Variants in EIF2AK2 observed in about 807,000 individuals in gnomAD.
EIF2AK2 encodes interferon-induced, double-stranded RNA-activated protein kinase.
A neutral mutation model predicts 70.5 loss-of-function variants in EIF2AK2; 40 were observed. The observed-to-expected ratio is 0.57, with a 90% CI of 0.44 to 0.74. The LOEUF is 0.74. Ranked by LOEUF, EIF2AK2 falls within the 30% of genes least tolerant of loss-of-function variation. EIF2AK2 has a pLI of 0.00. For synonymous variants in EIF2AK2, 198 were observed against 220.9 expected (o/e 0.90, Z 0.92); for missense variants, 555 against 644.3 (o/e 0.86, Z 1.50).
At chr2:37,129,526 C>A (rs968490460) in intron 10 of EIF2AK2, among the ~76,000 whole-genome samples, 1 of 152,106 alleles carries the variant, frequency 6.6e-6, no homozygotes, top group Admixed American at 6.6e-5. Context: ...CCTTCGCCCC[C>A]ACATCTAGTG....
Position 37,138,548 on chromosome 2 carries a change from G to A in EIF2AK2, c.554C>T (p.Thr185Met), listed in dbSNP as rs530669269. Residue 185 changes from threonine (T) to methionine (M), a missense_variant, in exon 7 of 17, where the codon ACG becomes ATG. By Grantham distance (81) the Thr-to-Met change is moderately conservative. Transcript: ENST00000233057. ...DYLSSGSFAT[T>M]CESQSNSLVT... ...TAAAGAGTTGCTTTGGGACTCACAC[G>A]TAGTAGCAAAAGAACCAGAGGACAG... is the stretch of plus-strand genomic sequence containing the variant. The A allele has an allele frequency of 3.6e-5, 58 of 1,614,086 alleles. No individual in the cohort carries two copies. The highest frequency in any genetic ancestry group is 3.5e-4 in the South Asian group (32 of 91,086).
chr2:37,150,560 G>T (rs1449067659), intron 1 of EIF2AK2, among the ~76,000 whole-genome samples: 1 of 151,916 alleles, frequency 6.6e-6, no homozygotes, highest in Non-Finnish European at 1.5e-5. Context: ...CATTTTTATG[G>T]TCCCACAGTA....
At chr2:37,112,649 TAAAG>T (rs1324642877) in intron 14 of EIF2AK2, among the ~76,000 whole-genome samples, 3 of 152,200 alleles carry the variant, frequency 2.0e-5, no homozygotes, top group African/African-American at 7.2e-5. Flanking sequence ...AGCATAATAT[TAAAG>T]AGAGAAATAT....
At chr2:37,135,622 CT>C in intron 9 of EIF2AK2, 76 bp from the exon 10 acceptor site, 1 of 1,347,114 alleles carries the variant, frequency 7.4e-7, no homozygotes, top group Non-Finnish European at 1.0e-6. Context: ...TAATGTTAAC[CT>C]TTTTCTTTCT....
chr2:37,100,853 T>G lies in EIF2AK2; in HGVS notation c.*6420A>C, dbSNP rs917527739. Reference sequence around the variant, plus strand: ...GATAGATGTACAGTCGCCCCACTACTGGCTTAAATTCTAAATTACTGAAAA... The same window carrying G: ...GATAGATGTACAGTCGCCCCACTACGGGCTTAAATTCTAAATTACTGAAAA... On this transcript the variant is annotated 3_prime_UTR_variant, in exon 17 of 17. Coordinates refer to ENST00000233057, the MANE Select transcript of EIF2AK2 (RefSeq NM_001135651.3). 1 of 152,202 alleles carries G rather than the reference T, an allele frequency of 6.6e-6. No individual in the cohort carries two copies. Among genetic ancestry groups the G allele is most frequent in the Non-Finnish European group, 1.5e-5 (1 of 68,034 alleles). The allele number at this position is 152,202 out of a possible 1,614,324, so 9.4% of individuals were successfully genotyped here.
At chr2:37,112,464 A>C (rs147475657) in intron 14 of EIF2AK2, among the ~76,000 whole-genome samples, 1 of 152,356 alleles carries the variant, frequency 6.6e-6, no homozygotes, top group African/African-American at 2.4e-5. Context: ...CTCAAATTTG[A>C]TGCAATTGCT....
At position 37,102,859 on chromosome 2, in the gene EIF2AK2, T is replaced by C. The variant is rs1437965817; in HGVS notation, c.*4414A>G. ...GTATATACATTGAATATATTTAACA[T>C]AAGTGTTAAGTATGCATGTGAATTT... On this transcript the variant is annotated 3_prime_UTR_variant, in exon 17 of 17. Transcript: ENST00000233057. 1 of 152,180 alleles carries C rather than the reference T, an allele frequency of 6.6e-6. No individual in the cohort carries two copies. The highest frequency in any genetic ancestry group is 1.5e-5 in the Non-Finnish European group (1 of 68,024). 9.4% of individuals were successfully genotyped at this position (152,180 alleles called of 1,614,324 possible).
Position 37,123,283 on chromosome 2 carries a change from T to C in EIF2AK2, c.909-619A>G, listed in dbSNP as rs552646967. Among the ~76,000 whole-genome samples the C allele has an allele frequency of 6.6e-5, 10 of 152,284 alleles. No homozygotes were observed. The East Asian group carries it at 1.5e-3, about 24-fold the overall frequency. On this transcript the variant is annotated intron_variant, in intron 11 of 16. Transcript: ENST00000233057. Reference sequence around the variant, plus strand: ...CATTTTAATTAATTTATTTATTTTATTGAGACAGAGTCTTGCTCTGTCACC... The same window carrying C: ...CATTTTAATTAATTTATTTATTTTACTGAGACAGAGTCTTGCTCTGTCACC...
At chr2:37,114,668 A>T in intron 14 of EIF2AK2, 63 bp downstream of exon 14, 6 of 1,406,002 alleles carry the variant, frequency 4.3e-6, no homozygotes, top group Non-Finnish European at 5.6e-6. Flanking sequence ...AGTAGTGTCT[A>T]CTCTTTTTAT....
chr2:37,126,545 G>T, intron 10 of EIF2AK2, 134 bp from the exon 11 acceptor site: 1 of 1,341,472 alleles, frequency 7.5e-7, no homozygotes, highest in South Asian at 1.6e-5. Context: ...TTCTGAATAA[G>T]AAAGATCCAC....
At chr2:37,149,338 C>A in intron 1 of EIF2AK2, 11 of 756,910 alleles carry the variant, frequency 1.5e-5, no homozygotes, top group Non-Finnish European at 2.2e-5. Flanking sequence ...CTTTAAAGGT[C>A]TTTATTTCTA....
Position 37,141,706 on chromosome 2 carries a change from A to G in EIF2AK2, c.241-5T>C, listed in dbSNP as rs368281376. On this transcript the variant is annotated splice_polypyrimidine_tract_variant and splice_region_variant and intron_variant, in intron 4 of 16. Transcript: ENST00000233057. ...CAATAATAAAGGACTAACTGCCTAC[A>G]AAGAAAAAAAATTCCTGTTTAATAT... 1.9e-6 allele frequency: 3 copies of G among 1,593,992 alleles called. No homozygotes were observed. The African/African-American group carries it at 4.1e-5, about 22-fold the overall frequency.
intron 11 of EIF2AK2, among the ~76,000 whole-genome samples, chr2:37,124,034 G>A (rs547618136): frequency 2.7e-5 from 4 of 150,432 alleles, no homozygotes; most frequent in African/African-American, 9.8e-5. Flanking sequence ...CAGTGGCAAT[G>A]TTGGCTCACT....
chr2:37,139,555 T>G (rs1401898531), intron 6 of EIF2AK2, 76 bp downstream of exon 6: 30 of 1,561,122 alleles, frequency 1.9e-5, no homozygotes, highest in African/African-American at 2.7e-5. Flanking sequence ...TGGCATAATG[T>G]TAACACAGTC....
In EIF2AK2 at chr2:37,099,534, G is replaced by T. The variant is rs534194230; in HGVS notation, c.*7739C>A. 1 of 152,326 alleles carries T rather than the reference G, an allele frequency of 6.6e-6. No homozygotes were observed. The highest frequency in any genetic ancestry group is 6.5e-5 in the Admixed American group (1 of 15,302). The allele number at this position is 152,326 out of a possible 1,614,324, so 9.4% of individuals were successfully genotyped here. A position where few individuals can be genotyped will look rare whatever the true frequency, so the allele number is the denominator to read the frequency against. The stretch of plus-strand genomic sequence containing the variant: ...GAGTACTAGGGAGAAGATTCATTTT[G>T]AGTGGGAGATGTTGGAACACTTTGG... On this transcript the variant is annotated 3_prime_UTR_variant, in exon 17 of 17. Transcript: ENST00000233057.
At chr2:37,129,521 G>A (rs545800719) in intron 10 of EIF2AK2, among the ~76,000 whole-genome samples, 6 of 151,940 alleles carry the variant, frequency 3.9e-5, no homozygotes, top group African/African-American at 1.2e-4. Flanking sequence ...GGCATCCTTC[G>A]CCCCCACATC....
chr2:37,130,942 C>T lies in EIF2AK2; in HGVS notation c.786-4531G>A, dbSNP rs373922074. Among the ~76,000 whole-genome samples, 193 of 152,318 alleles carry T rather than the reference C, an allele frequency of 1.3e-3. 1 individual carries two copies. The highest frequency in any genetic ancestry group is 4.0e-3 in the African/African-American group (165 of 41,576). On this transcript the variant is annotated intron_variant, in intron 10 of 16. Transcript: ENST00000233057. ...GAAGACCCAATTTAACCTCTCCAAA[C>T]GTTTCATAGCTAGGATTAATCATAA...
intron 3 of EIF2AK2, 113 bp from the exon 4 acceptor site, chr2:37,147,086 T>C (rs1365222084): frequency 3.0e-6 from 3 of 996,254 alleles, no homozygotes; most frequent in Non-Finnish European, 4.3e-6. Context: ...TGAACCTACA[T>C]TCAATATAGC....
At position 37,156,900 on chromosome 2, in the gene EIF2AK2, C is replaced by G. The variant is rs1395818127; in HGVS notation, c.-184+8G>C. On this transcript the variant is annotated splice_region_variant and intron_variant, in intron 1 of 16. Coordinates refer to ENST00000233057, the MANE Select transcript of EIF2AK2 (RefSeq NM_001135651.3). The stretch of plus-strand genomic sequence containing the variant: ...CGCGCTCCCTCGGCTGCCCCCTGCC[C>G]TGCTCACCTGCGCCGCCGCCGCCGC... 3 of 180,454 alleles carry G rather than the reference C, an allele frequency of 1.7e-5. No homozygotes were observed. The highest frequency in any genetic ancestry group is 3.3e-5 in the Non-Finnish European group (3 of 91,580). 11.2% of individuals were successfully genotyped at this position (180,454 alleles called of 1,614,324 possible). A position where few individuals can be genotyped will look rare whatever the true frequency, so the allele number is the denominator to read the frequency against.
Sources: gnomAD v4.1 joint callset for allele counts (sites outside exome capture counted in the v4.1 genomes callset) on GRCh38, gnomAD v4.1.1 for gene constraint, MANE v1.5 for transcripts, NCBI Gene and HGNC (gene_info 2026-07-23, HGNC 2026-07-21) for gene names.